DSC3: variants seen among roughly 807,000 people sequenced by gnomAD.
DSC3 encodes the protein desmocollin-3.
Under a neutral mutation model 89.5 loss-of-function variants are expected in DSC3, and 97 were observed. The observed-to-expected ratio is 1.08, with a 90% CI of 0.92 to 1.28. The LOEUF (loss-of-function observed/expected upper bound fraction) is 1.28, where lower values mean the gene tolerates loss of function less well. DSC3 is among the 50% of genes most tolerant of loss of function. The probability of loss-of-function intolerance (pLI) is 0.00; values close to 1 mark genes in which losing one functional copy is unlikely to be tolerated. For missense variants in DSC3, 1,199 were observed against 1,085.3 expected, an observed-to-expected ratio of 1.10 and a Z score of -1.47; for synonymous variants, 436 against 384.1, an observed-to-expected ratio of 1.14 and a Z score of -1.58.
chr18:31,023,426 G>C (rs1404885350), intron 6 of DSC3, among the ~76,000 whole-genome samples: 1 of 152,010 alleles, frequency 6.6e-6, no homozygotes, highest in Non-Finnish European at 1.5e-5. Context: ...ACATCATGTT[G>C]TAAACCTTCA....
chr18:31,001,759 T>A lies in DSC3; in HGVS notation c.2114-20A>T, dbSNP rs1984672314. 6.4e-7 allele frequency: 1 copy of A among 1,556,814 alleles called. No individual in the cohort carries two copies. On this transcript the variant is annotated intron_variant, in intron 13 of 15. Coordinates refer to ENST00000360428, the MANE Select transcript of DSC3 (RefSeq NM_001941.5). ...ATACAGCTGAATTTAAAAATAAAAA[T>A]AAAATAACTTACTTTAGCATACATA... is the stretch of plus-strand genomic sequence containing the variant.
chr18:31,029,276 A>C (rs996006862), intron 4 of DSC3, among the ~76,000 whole-genome samples: 2 of 152,200 alleles, frequency 1.3e-5, no homozygotes, highest in African/African-American at 4.8e-5. Context: ...TTAAGTGCTC[A>C]GTAACTCCCT....
At chr18:31,030,431 T>G (rs1985745237) in intron 3 of DSC3, among the ~76,000 whole-genome samples, 1 of 152,224 alleles carries the variant, frequency 6.6e-6, no homozygotes, top group South Asian at 2.1e-4. Context: ...GTCTAAACCT[T>G]TCATCATTTT....
chr18:31,026,826 A>C (rs773270855), intron 4 of DSC3, among the ~76,000 whole-genome samples: 90 of 152,144 alleles, frequency 5.9e-4, no homozygotes, highest in Admixed American at 1.2e-3. Context: ...GGGAATGTGA[A>C]CAAAAATGAT....
intron 7 of DSC3, among the ~76,000 whole-genome samples, chr18:31,021,944 C>T (rs1356943037): frequency 1.3e-5 from 2 of 151,978 alleles, no homozygotes; most frequent in Non-Finnish European, 2.9e-5. Flanking sequence ...CCTTTCCTCA[C>T]TAAAAGTATA....
rs1230718124 is a variant in DSC3, at chr18:31,029,646, C to A, written c.355-18G>T. The A allele has an allele frequency of 1.9e-6, 3 of 1,613,300 alleles. No homozygotes were observed. The highest frequency in any genetic ancestry group is 2.2e-5 in the South Asian group (2 of 91,068). On this transcript the variant is annotated intron_variant, in intron 3 of 15. Transcript: ENST00000360428. ...TTCGATACCTGAATTTAGAGAAAAACAAATACATGAATAAACAAAAGCATC... is the reference window on the plus strand; with the variant it reads ...TTCGATACCTGAATTTAGAGAAAAAAAAATACATGAATAAACAAAAGCATC...
intron 11 of DSC3, 113 bp from the exon 12 acceptor site, chr18:31,007,244 T>C (rs1984885339): frequency 1.4e-6 from 1 of 711,812 alleles, no homozygotes; most frequent in African/African-American, 1.8e-5. Flanking sequence ...AAACTGATTA[T>C]TAAAGGAAAT....
chr18:31,010,191 G>C (rs1396694215), intron 9 of DSC3, among the ~76,000 whole-genome samples: 1 of 152,126 alleles, frequency 6.6e-6, no homozygotes, highest in African/African-American at 2.4e-5. Context: ...CTGAATCTTA[G>C]AATCTACAAA....
intron 9 of DSC3, among the ~76,000 whole-genome samples, chr18:31,015,093 A>G (rs114677681): frequency 0.01 from 1,547 of 152,330 alleles, 31 homozygotes; most frequent in African/African-American, 0.035. Context: ...AAAATATTAA[A>G]AGTATTTCCT....
chr18:31,040,722 A>G (rs769192377), intron 1 of DSC3, among the ~76,000 whole-genome samples: 38 of 152,200 alleles, frequency 2.5e-4, no homozygotes, highest in Admixed American at 1.2e-3. Flanking sequence ...TTTAAAGATA[A>G]GTAATGGTTT....
chr18:31,013,019 T>G (rs952763352), intron 9 of DSC3, among the ~76,000 whole-genome samples: 1 of 152,104 alleles, frequency 6.6e-6, no homozygotes, highest in Non-Finnish European at 1.5e-5. Context: ...AAGGAAGATA[T>G]TCATAAGAAA....
At chr18:30,996,047 C>T (rs1967113) in intron 15 of DSC3, among the ~76,000 whole-genome samples, 17,069 of 135,380 alleles carry the variant, frequency 0.13, 1,085 homozygotes, top group Admixed American at 0.2. Context: ...TTGGTATGAA[C>T]AGAGAATTCC....
At chr18:31,011,659 G>A (rs1446694943) in intron 9 of DSC3, among the ~76,000 whole-genome samples, 7 of 152,176 alleles carry the variant, frequency 4.6e-5, no homozygotes, top group African/African-American at 1.7e-4. Flanking sequence ...ATTATACAGT[G>A]TTTGATTTTC....
chr18:31,008,172 A>G lies in DSC3; in HGVS notation c.1521-14T>C, dbSNP rs1285748016. On this transcript the variant is annotated splice_polypyrimidine_tract_variant and intron_variant, in intron 10 of 15. Transcript: ENST00000360428. ...AATTTTTTGTACCTGTTAATAAAAA[A>G]AAAATAGTCTTTAGCATCAGAAAAT... is the stretch of plus-strand genomic sequence containing the variant. 6.2e-7 allele frequency: 1 copy of G among 1,608,086 alleles called. No homozygotes were observed. The highest frequency in any genetic ancestry group is 1.3e-5 in the African/African-American group (1 of 74,828).
intron 12 of DSC3, 100 bp from the exon 13 acceptor site, chr18:31,004,466 A>ACTGC: frequency 9.9e-7 from 1 of 1,014,932 alleles, no homozygotes; most frequent in Non-Finnish European, 1.5e-6. Context: ...TTCTCAAGGA[A>ACTGC]CTGCCTGCCA....
chr18:31,041,039 A>G (rs1986113807), intron 1 of DSC3, among the ~76,000 whole-genome samples: 1 of 152,120 alleles, frequency 6.6e-6, no homozygotes, highest in Admixed American at 6.5e-5. Flanking sequence ...GTGCTAGATC[A>G]AAGCTGAAGC....
chr18:31,036,809 T>TTTTTTTTTTTTTTC (rs1567962995), intron 1 of DSC3, among the ~76,000 whole-genome samples: 1 of 147,562 alleles, frequency 6.8e-6, no homozygotes, highest in Non-Finnish European at 1.5e-5. Context: ...TTTTTTTTTT[T>TTTTTTTTTTTTTTC]TGAGATGGAA....
chr18:31,009,585 T>G (rs1375636616), intron 9 of DSC3, among the ~76,000 whole-genome samples: 1 of 152,216 alleles, frequency 6.6e-6, no homozygotes, highest in East Asian at 1.9e-4. Context: ...GTCTATAATT[T>G]ATCCAATGAA....
chr18:31,018,919 T>A (rs956523418), intron 7 of DSC3, 119 bp from the exon 8 acceptor site: 12 of 981,310 alleles, frequency 1.2e-5, no homozygotes, highest in Non-Finnish European at 1.7e-5. Context: ...TCCGTGCTTT[T>A]ACCTGATTTC....
Sources: allele counts gnomAD v4.1 joint callset (sites outside exome capture counted in the v4.1 genomes callset), GRCh38; gene constraint gnomAD v4.1.1; transcripts MANE v1.5; gene names NCBI Gene and HGNC (gene_info 2026-07-23, HGNC 2026-07-21).